SMOC2: variants seen among roughly 807,000 people sequenced by gnomAD.
SMOC2 encodes the protein SPARC-related modular calcium-binding protein 2.
A neutral mutation model predicts 61.4 loss-of-function variants in SMOC2; 39 were observed. The observed-to-expected ratio is 0.64, with a 90% confidence interval of 0.49 to 0.83. SMOC2 has a LOEUF of 0.83. SMOC2 is among the 40% of genes least tolerant of loss of function. The probability of loss-of-function intolerance (pLI) is 0.00; values close to 1 mark genes in which losing one functional copy is unlikely to be tolerated. For missense variants in SMOC2, 556 were observed against 592.9 expected (o/e 0.94, Z 0.65); for synonymous variants, 247 against 239.9 (o/e 1.03, Z -0.27).
chr6:168,600,040 G>C (rs1383657761), intron 8 of SMOC2, among the ~76,000 whole-genome samples: 3 of 152,060 alleles, frequency 2.0e-5, no homozygotes, highest in Non-Finnish European at 4.4e-5. Context: ...TCACCTGGAT[G>C]GTCTGGTTCT....
chr6:168,659,304 C>T (rs1384965614), intron 11 of SMOC2, among the ~76,000 whole-genome samples: 2 of 152,086 alleles, frequency 1.3e-5, no homozygotes, highest in African/African-American at 2.4e-5. Flanking sequence ...GCTGTGCTGT[C>T]GGGGGCCACA....
Position 168,441,206 on chromosome 6 carries a change from C to T in SMOC2, c.-165C>T, listed in dbSNP as rs1781195980. On this transcript the variant is annotated 5_prime_UTR_variant, in exon 1 of 13. Coordinates refer to ENST00000356284, the MANE Select transcript of SMOC2 (RefSeq NM_001166412.2). ...AAGAACGCGGAGGACCTCTGGGTGC[C>T]TGCAGGGGAGCTGCTCCAGCCGGGC... is the stretch of plus-strand genomic sequence containing the variant. 3.7e-6 allele frequency: 4 copies of T among 1,089,830 alleles called. No homozygotes were observed. Among genetic ancestry groups the T allele is most frequent in the Non-Finnish European group, 4.8e-6 (4 of 830,152 alleles). The allele number at this position is 1,089,830 out of a possible 1,614,324, so 67.5% of individuals were successfully genotyped here. A position where few individuals can be genotyped will look rare whatever the true frequency, so the allele number is the denominator to read the frequency against.
chr6:168,549,332 C>A (rs1367435029), intron 7 of SMOC2, 129 bp downstream of exon 7: 2 of 752,410 alleles, frequency 2.7e-6, no homozygotes, highest in East Asian at 5.3e-5. Flanking sequence ...GGGGTGCAGA[C>A]CTGGCACAAA....
chr6:168,600,602 T>C (rs1228163560), intron 8 of SMOC2, among the ~76,000 whole-genome samples: 1 of 152,126 alleles, frequency 6.6e-6, no homozygotes, highest in African/African-American at 2.4e-5. Context: ...AAGGTGGCTC[T>C]GGGACCCAGT....
rs202232933 is a variant in SMOC2, at chr6:168,608,197, C to T, written c.865C>T (p.Pro289Ser). 9.0e-5 allele frequency: 145 copies of T among 1,613,846 alleles called. No individual in the cohort carries two copies. Among genetic ancestry groups the T allele is most frequent in the Admixed American group, 1.2e-4 (7 of 59,998 alleles). The stretch of plus-strand genomic sequence containing the variant: ...ATGTGACAACACGGCCAGGGCCCAC[C>T]CAGCCAAAGCCCGGGACCTGTACAA... ...PKCDNTARAH[P>S]AKARDLYKGR... Residue 289 changes from proline (P) to serine (S), a missense_variant, in exon 9 of 13, where the codon CCA becomes TCA. Physicochemically the swap from Pro to Ser is moderately conservative, Grantham distance 74 (BLOSUM62 -1). Coordinates refer to ENST00000356284, the MANE Select transcript of SMOC2 (RefSeq NM_001166412.2).
chr6:168,471,000 AATTTTATTAC>A (rs879732722), intron 1 of SMOC2, among the ~76,000 whole-genome samples: 4 of 152,200 alleles, frequency 2.6e-5, no homozygotes, highest in Non-Finnish European at 4.4e-5. Context: ...CTTATATATA[AATTTTATTAC>A]ATCTGCTAAA....
chr6:168,483,753 T>C (rs1040315131), intron 1 of SMOC2, among the ~76,000 whole-genome samples: 2 of 152,136 alleles, frequency 1.3e-5, no homozygotes, highest in Non-Finnish European at 2.9e-5. Flanking sequence ...GACAGATGTA[T>C]AGATCAACAG....
chr6:168,607,991 C>T (rs977008112), intron 8 of SMOC2, among the ~76,000 whole-genome samples, 166 bp from the exon 9 acceptor site: 1 of 152,194 alleles, frequency 6.6e-6, no homozygotes, highest in Non-Finnish European at 1.5e-5. Flanking sequence ...GCCAAATATC[C>T]ACAAAGGTGA....
rs144806543 is a variant in SMOC2 at position 168,605,477 on chromosome 6, T to G, written c.825-2680T>G. 3.8e-3 allele frequency among the ~76,000 whole-genome samples: 586 copies of G among 152,280 alleles called. 4 individuals are homozygous for G. The highest frequency in any genetic ancestry group is 0.014 in the African/African-American group (567 of 41,566). Reference sequence around the variant, plus strand: ...ACAAAGCTGAAATTAACGGACTTATTTCTCCTCTTTCTCCTCTCTTGAGAT... The same window carrying G: ...ACAAAGCTGAAATTAACGGACTTATGTCTCCTCTTTCTCCTCTCTTGAGAT... On this transcript the variant is annotated intron_variant, in intron 8 of 12. Coordinates refer to ENST00000356284, the MANE Select transcript of SMOC2 (RefSeq NM_001166412.2).
At chr6:168,577,031 T>C (rs945868329) in intron 7 of SMOC2, among the ~76,000 whole-genome samples, 3 of 151,006 alleles carry the variant, frequency 2.0e-5, no homozygotes, top group African/African-American at 7.4e-5. Flanking sequence ...ACTTGCTGTT[T>C]TGAAATGGCC....
At chr6:168,615,539 C>A (rs1324623759) in intron 9 of SMOC2, among the ~76,000 whole-genome samples, 1 of 114,836 alleles carries the variant, frequency 8.7e-6, no homozygotes, top group Non-Finnish European at 1.9e-5. Flanking sequence ...ATACTTACAG[C>A]CGGCACAGGG....
At position 168,485,812 on chromosome 6, in the gene SMOC2, T is replaced by A. The variant is rs1349747155; in HGVS notation, c.85-24103T>A. 4.6e-5 allele frequency among the ~76,000 whole-genome samples: 7 copies of A among 152,332 alleles called. No homozygotes were observed. In the East Asian group the frequency reaches 1.2e-3, roughly 25 times the overall value. Reference sequence around the variant, plus strand: ...CATTGAATTGTACAATTTGAATGGATGAATTGTGTGATAGGGGAATTGTAT... The same window carrying A: ...CATTGAATTGTACAATTTGAATGGAAGAATTGTGTGATAGGGGAATTGTAT... On this transcript the variant is annotated intron_variant, in intron 1 of 12. Transcript: ENST00000356284.
intron 9 of SMOC2, among the ~76,000 whole-genome samples, chr6:168,628,710 C>G (rs207467599): frequency 3.3e-5 from 5 of 152,226 alleles, no homozygotes; most frequent in Admixed American, 1.3e-4. Context: ...CTAAACTGTG[C>G]GTGGTACAGT....
chr6:168,613,019 G>GT (rs1489350792), intron 9 of SMOC2, among the ~76,000 whole-genome samples: 1 of 152,204 alleles, frequency 6.6e-6, no homozygotes, highest in Non-Finnish European at 1.5e-5. Context: ...CTCGGATACG[G>GT]TTTTCCGGCT....
At chr6:168,444,562 T>TC (rs1280124925) in intron 1 of SMOC2, among the ~76,000 whole-genome samples, 7 of 152,198 alleles carry the variant, frequency 4.6e-5, no homozygotes, top group African/African-American at 1.7e-4. Context: ...GCTCAGACCC[T>TC]CTCACCTCCA....
At chr6:168,528,022 T>C (rs758089696) in intron 4 of SMOC2, among the ~76,000 whole-genome samples, 17 of 152,236 alleles carry the variant, frequency 1.1e-4, no homozygotes, top group Non-Finnish European at 1.8e-4. Flanking sequence ...TCAGGTCCCT[T>C]AATTGTTTAA....
intron 1 of SMOC2, among the ~76,000 whole-genome samples, chr6:168,491,614 A>G (rs1045563506): frequency 2.6e-5 from 4 of 152,240 alleles, no homozygotes; most frequent in African/African-American, 7.2e-5. Context: ...GATAATAACA[A>G]TAAACTATTT....
chr6:168,547,069 T>C, intron 5 of SMOC2, 50 bp from the exon 6 acceptor site: 1 of 1,612,666 alleles, frequency 6.2e-7, no homozygotes, highest in Non-Finnish European at 8.5e-7. Flanking sequence ...TTACTTAACT[T>C]ACTCTCATAA....
chr6:168,481,039 C>A (rs1167840562), intron 1 of SMOC2, among the ~76,000 whole-genome samples: 1 of 152,102 alleles, frequency 6.6e-6, no homozygotes, highest in Non-Finnish European at 1.5e-5. Context: ...CAGATAAAAG[C>A]TGAGGAAGTT....
Sources: gnomAD v4.1 joint callset for allele counts (sites outside exome capture counted in the v4.1 genomes callset) on GRCh38, gnomAD v4.1.1 for gene constraint, MANE v1.5 for transcripts, NCBI Gene and HGNC (gene_info 2026-07-23, HGNC 2026-07-21) for gene names.